The following SLC3A1 variants were observed in gnomAD, a reference collection of about 807,000 sequenced individuals.
SLC3A1 encodes solute carrier family 3 member 1, also known as amino acid transporter heavy chain SLC3A1.
Under a neutral mutation model 60.3 loss-of-function variants are expected in SLC3A1, and 78 were observed. That is an observed-to-expected ratio of 1.29 (90% CI 1.08 to 1.56). The LOEUF (loss-of-function observed/expected upper bound fraction) is 1.56, where lower values mean the gene tolerates loss of function less well. SLC3A1 is among the 40% of genes most tolerant of loss of function. SLC3A1 has a pLI of 0.00. For missense variants in SLC3A1, 1,172 were observed against 858.9 expected (o/e 1.36, Z -4.56); for synonymous variants, 392 against 307.9 (o/e 1.27, Z -2.86).
intron 7 of SLC3A1, among the ~76,000 whole-genome samples, chr2:44,305,720 C>A (rs764626961): frequency 6.6e-6 from 1 of 152,102 alleles, no homozygotes; most frequent in East Asian, 1.9e-4. Flanking sequence ...TGAGCCACCA[C>A]TCCTGGCCCT....
At chr2:44,285,651 GTTTC>G (rs749402703) in intron 3 of SLC3A1, 46 of 481,450 alleles carry the variant, frequency 9.6e-5, no homozygotes, top group South Asian at 6.8e-4. Context: ...TGAGCGGAAT[GTTTC>G]TTTCTTCCAA....
At position 44,275,577 on chromosome 2, in the gene SLC3A1, T is replaced by C. The variant is rs1671320357; in HGVS notation, c.42T>C (p.Ser14=). The stretch of plus-strand genomic sequence containing the variant: ...GCAAGAGAGACTCCATCGAGATGAG[T>C]ATGAAGGGATGCCAGACAAACAACG... ...DKSKRDSIEM[S]MKGCQTNNGF... is the part of the protein sequence containing the mutation. Residue 14 remains serine, a synonymous_variant, in exon 1 of 10, where the codon AGT becomes AGC. Coordinates refer to ENST00000260649, the MANE Select transcript of SLC3A1 (RefSeq NM_000341.4). The C allele has an allele frequency of 6.2e-7, 1 of 1,613,308 alleles. No homozygotes were observed. The highest frequency in any genetic ancestry group is 8.5e-7 in the Non-Finnish European group (1 of 1,179,826).
At chr2:44,304,813 ATTTTTTTTT>A (rs70965349) in intron 7 of SLC3A1, among the ~76,000 whole-genome samples, 31 of 85,866 alleles carry the variant, frequency 3.6e-4, no homozygotes, top group East Asian at 1.0e-3. Context: ...CTTGAAAACA[ATTTTTTTTT>A]TTTTTTTTTT....
chr2:44,280,531 C>A (rs749192585), intron 1 of SLC3A1, among the ~76,000 whole-genome samples, 185 bp from the exon 2 acceptor site: 4 of 152,160 alleles, frequency 2.6e-5, no homozygotes, highest in Non-Finnish European at 5.9e-5. Context: ...AACCACTACA[C>A]CCGACCTAAT....
At chr2:44,301,511 C>G (rs1672007106) in intron 6 of SLC3A1, 1 of 366,712 alleles carries the variant, frequency 2.7e-6, no homozygotes, top group Non-Finnish European at 5.1e-6. Context: ...GAGGCCAAGG[C>G]AGGCGGATCA....
rs139251285 is a variant in SLC3A1 at position 44,312,619 on chromosome 2, C to A, written c.1366C>A (p.Arg456Ser). 6.2e-7 allele frequency: 1 copy of A among 1,613,904 alleles called. No individual in the cohort carries two copies. ...GGPDSSRLTS[R>S]LGNQYVNVMN... is the part of the protein sequence containing the mutation. ...ACCAGACAGTTCACGGCTGACTTCG[C>A]GTTTGGGGAATCAGTATGTCAACGT... The change falls in exon 8 of 10, where the codon CGT (arginine) becomes AGT (serine). Residue 456 changes from arginine (R) to serine (S), a missense_variant. Arg to Ser is a moderately radical substitution (Grantham distance 110). Transcript: ENST00000260649.
chr2:44,321,685 C>T, downstream of SLC3A1: 1 of 1,559,872 alleles, frequency 6.4e-7, no homozygotes, highest in Non-Finnish European at 8.7e-7. Flanking sequence ...CACAGTGTCC[C>T]TCCCTCCCCT....
At chr2:44,306,717 C>T (rs1170245654) in intron 7 of SLC3A1, among the ~76,000 whole-genome samples, 1 of 151,714 alleles carries the variant, frequency 6.6e-6, no homozygotes, top group Non-Finnish European at 1.5e-5. Context: ...CCACACCCAG[C>T]TAATTTTTTG....
chr2:44,315,516 AAAG>A (rs962963943), intron 9 of SLC3A1, among the ~76,000 whole-genome samples: 2 of 151,552 alleles, frequency 1.3e-5, no homozygotes, highest in African/African-American at 4.8e-5. Context: ...AAAAAAAAAA[AAAG>A]GGAAATTAGC....
chr2:44,320,812 G>A lies in SLC3A1; in HGVS notation c.*173G>A. 3.1e-6 allele frequency: 2 copies of A among 646,376 alleles called. No homozygotes were observed. The highest frequency in any genetic ancestry group is 1.9e-5 in the South Asian group (1 of 53,620). 40.0% of individuals were successfully genotyped at this position (646,376 alleles called of 1,614,324 possible). ...TCAAATGTTTTGAAAAAAATAAAAT[G>A]TTTAAAAGTAAATTATGGCTTATAG... On this transcript the variant is annotated 3_prime_UTR_variant, in exon 10 of 10. Coordinates refer to ENST00000260649, the MANE Select transcript of SLC3A1 (RefSeq NM_000341.4).
intron 1 of SLC3A1, among the ~76,000 whole-genome samples, chr2:44,277,661 GA>G (rs1050141429): frequency 5.9e-5 from 9 of 152,240 alleles, no homozygotes; most frequent in Admixed American, 5.2e-4. Context: ...GAGTGCTTAG[GA>G]AAAGCAATGC....
chr2:44,286,498 C>T (rs558715007), intron 4 of SLC3A1, among the ~76,000 whole-genome samples: 5 of 108,870 alleles, frequency 4.6e-5, no homozygotes, highest in South Asian at 5.6e-4. Flanking sequence ...GTGAGCTGTA[C>T]GGTGCCTGTG....
intron 3 of SLC3A1, among the ~76,000 whole-genome samples, chr2:44,284,468 C>T (rs1401280588): frequency 6.6e-6 from 1 of 152,192 alleles, no homozygotes; most frequent in Admixed American, 6.5e-5. Flanking sequence ...AATTCATTAT[C>T]AAAATGGTTG....
intron 4 of SLC3A1, among the ~76,000 whole-genome samples, chr2:44,294,478 G>C (rs1161089333): frequency 6.6e-6 from 1 of 151,182 alleles, no homozygotes; most frequent in African/African-American, 2.4e-5. Context: ...ACGCCAGCCT[G>C]GGTGACAGAG....
At chr2:44,318,144 GCA>G in intron 9 of SLC3A1, 1 of 440,528 alleles carries the variant, frequency 2.3e-6, no homozygotes, top group Non-Finnish European at 4.5e-6. Flanking sequence ...ATGCTCGAGT[GCA>G]GTGGCGTGAT....
chr2:44,299,629 C>G (rs1025165977), intron 4 of SLC3A1, among the ~76,000 whole-genome samples: 1 of 152,104 alleles, frequency 6.6e-6, no homozygotes, highest in Non-Finnish European at 1.5e-5. Flanking sequence ...GAGAAACTTT[C>G]CTAGTTTATT....
rs749406831 is a variant in SLC3A1, at chr2:44,280,755, T to C, written c.470T>C (p.Ile157Thr). 97 of 1,611,928 alleles carry C rather than the reference T, an allele frequency of 6.0e-5. No homozygotes were observed. In the East Asian group the frequency reaches 1.4e-3, roughly 23 times the overall value. ...CTGGACTACATCACAGCTTTAAATA[T>C]AAAAACTGTTTGGATTACTTCATTT... ...DKLDYITALN[I>T]KTVWITSFYK... The change falls in exon 2 of 10, where the codon ATA (isoleucine) becomes ACA (threonine). Residue 157 changes from isoleucine (I) to threonine (T), a missense_variant. Physicochemically the swap from Ile to Thr is moderately conservative, Grantham distance 89. Transcript: ENST00000260649.
At chr2:44,316,474 G>T (rs1189258632) in intron 9 of SLC3A1, 1 of 152,130 alleles carries the variant, frequency 6.6e-6, no homozygotes, top group Non-Finnish European at 1.5e-5. Flanking sequence ...AAGAGCATAA[G>T]AAAAAATCGG....
intron 9 of SLC3A1, chr2:44,317,643 A>T (rs1414471069): frequency 3.9e-5 from 6 of 152,458 alleles, no homozygotes; most frequent in African/African-American, 1.4e-4. Context: ...TAAAATTAGG[A>T]CATAAAAATA....
Sources: gnomAD v4.1 joint callset for allele counts (sites outside exome capture counted in the v4.1 genomes callset) on GRCh38, gnomAD v4.1.1 for gene constraint, MANE v1.5 for transcripts, NCBI Gene and HGNC (gene_info 2026-07-23, HGNC 2026-07-21) for gene names.